The following PCDH11Y variants were observed in gnomAD, a reference collection of about 807,000 sequenced individuals.
PCDH11Y encodes the protein protocadherin-11 Y-linked.
For missense variants in PCDH11Y, 12 were observed against 224.8 expected, an observed-to-expected ratio of 0.05 and a Z score of 6.05; for synonymous variants, 9 against 83.6, an observed-to-expected ratio of 0.11 and a Z score of 4.87.
chrY:5,235,947 T>C (rs2052974621), intron 2 of PCDH11Y, among the ~76,000 whole-genome samples: 4 of 33,569 alleles, frequency 1.2e-4, no homozygotes, highest in African/African-American at 4.6e-4. Context: ...TTTTTAGTAA[T>C]AGCCATTCCA....
intron 2 of PCDH11Y, among the ~76,000 whole-genome samples, chrY:5,178,978 T>C (rs2124646618): frequency 3.0e-5 from 1 of 33,417 alleles, no homozygotes; most frequent in Non-Finnish European, 7.4e-5. Flanking sequence ...TATGGCTGCA[T>C]AGTATTCCAT....
At chrY:5,627,285 G>A in intron 4 of PCDH11Y, among the ~76,000 whole-genome samples, 1 of 32,456 alleles carries the variant, frequency 3.1e-5, no homozygotes, top group South Asian at 6.9e-4. Flanking sequence ...GTGAGCCACC[G>A]CACCCAGTCA....
Position 5,732,821 on chromosome Y carries a change from A to G in PCDH11Y, c.3353-4451A>G. Among the ~76,000 whole-genome samples the G allele has an allele frequency of 1.2e-4, 4 of 33,265 alleles. No homozygotes were observed. In the East Asian group the frequency reaches 3.1e-3, roughly 26 times the overall value. 89.2% of individuals were successfully genotyped at this position (33,265 alleles called of 37,273 possible). On this transcript the variant is annotated intron_variant, in intron 4 of 4. Coordinates refer to the PCDH11Y transcript ENST00000400457. ...GTTTCTTCGCTTTACATCATCTAAT[A>G]TTGCTCAAAAACATTGCTTATTTCT... is the stretch of plus-strand genomic sequence containing the variant.
At chrY:5,057,916 AG>A in intron 1 of PCDH11Y, among the ~76,000 whole-genome samples, 1 of 31,771 alleles carries the variant, frequency 3.1e-5, no homozygotes, top group Admixed American at 2.9e-4. Flanking sequence ...TCTATTTGAG[AG>A]GTGACTAGAA....
chrY:5,380,853 C>T (rs2124674369), intron 2 of PCDH11Y, among the ~76,000 whole-genome samples: 2 of 30,726 alleles, frequency 6.5e-5, no homozygotes, highest in South Asian at 1.6e-3. Context: ...CTTCCCAAAG[C>T]CCTGGGATTA....
At chrY:5,692,345 G>T in intron 4 of PCDH11Y, among the ~76,000 whole-genome samples, 1 of 32,683 alleles carries the variant, frequency 3.1e-5, no homozygotes, top group African/African-American at 1.2e-4. Context: ...TTCTAGGCCT[G>T]CCTTTGCCAT....
intron 2 of PCDH11Y, among the ~76,000 whole-genome samples, chrY:5,362,325 A>C: frequency 3.2e-5 from 1 of 30,869 alleles, no homozygotes; most frequent in Non-Finnish European, 7.7e-5. Flanking sequence ...TTTCTGTATC[A>C]AAAGATTTGC....
chrY:5,090,498 ACT>A (rs1416011854), intron 1 of PCDH11Y, among the ~76,000 whole-genome samples: 2,648 of 32,568 alleles, frequency 0.081, no homozygotes, highest in Non-Finnish European at 0.031. Flanking sequence ...TTAATTATAT[ACT>A]CTTAAAATTT....
intron 4 of PCDH11Y, among the ~76,000 whole-genome samples, chrY:5,583,445 C>T: frequency 1.4e-4 from 4 of 29,281 alleles, no homozygotes; most frequent in Non-Finnish European, 3.3e-4. Context: ...CAGGGGTTTG[C>T]ATTGAATCTG....
intron 2 of PCDH11Y, among the ~76,000 whole-genome samples, chrY:5,218,301 A>G (rs2124652084): frequency 3.0e-5 from 1 of 33,099 alleles, no homozygotes; most frequent in East Asian, 8.0e-4. Context: ...AGGAAGACTG[A>G]CAAAACTGCT....
At chrY:5,598,737 A>G (rs2053469934) in intron 4 of PCDH11Y, among the ~76,000 whole-genome samples, 1 of 33,695 alleles carries the variant, frequency 3.0e-5, no homozygotes, top group African/African-American at 1.2e-4. Context: ...TCTAGAAAAG[A>G]ACATCTTGTA....
chrY:5,516,474 A>T, intron 3 of PCDH11Y, among the ~76,000 whole-genome samples: 2 of 31,842 alleles, frequency 6.3e-5, no homozygotes, highest in Admixed American at 2.9e-4. Context: ...TTAATTATTA[A>T]TTTTCACCTA....
chrY:5,089,014 A>G, intron 1 of PCDH11Y, among the ~76,000 whole-genome samples: 1 of 28,149 alleles, frequency 3.6e-5, no homozygotes, highest in Admixed American at 3.2e-4. Flanking sequence ...CTCCAGATAT[A>G]TCCCATGGTG....
chrY:5,452,560 C>T, intron 2 of PCDH11Y, among the ~76,000 whole-genome samples: 1 of 33,372 alleles, frequency 3.0e-5, no homozygotes, highest in Non-Finnish European at 7.4e-5. Context: ...CATGTACAAG[C>T]ACATAATCCA....
chrY:5,079,641 A>G, intron 1 of PCDH11Y, among the ~76,000 whole-genome samples: 2 of 31,804 alleles, frequency 6.3e-5, no homozygotes, highest in South Asian at 1.5e-3. Flanking sequence ...TAGGTCATCA[A>G]GTCCCCAAAC....
chrY:5,522,966 G>T (rs2053383013), intron 3 of PCDH11Y, among the ~76,000 whole-genome samples: 1 of 33,882 alleles, frequency 3.0e-5, no homozygotes, highest in Non-Finnish European at 7.4e-5. Flanking sequence ...AATTGCAAAA[G>T]ATGCATTATA....
chrY:5,278,589 G>A, intron 2 of PCDH11Y, among the ~76,000 whole-genome samples: 2 of 33,370 alleles, frequency 6.0e-5, no homozygotes, highest in African/African-American at 1.2e-4. Flanking sequence ...AATAATAAAC[G>A]TGGCCAAGAT....
chrY:5,672,944 G>A, intron 4 of PCDH11Y, among the ~76,000 whole-genome samples: 1 of 29,888 alleles, frequency 3.3e-5, no homozygotes, highest in South Asian at 7.5e-4. Context: ...TATCCCATAG[G>A]TTTTGGTGTT....
chrY:5,699,736 C>G, intron 4 of PCDH11Y, among the ~76,000 whole-genome samples: 1 of 33,259 alleles, frequency 3.0e-5, no homozygotes, highest in Non-Finnish European at 7.4e-5. Context: ...CATTTAGGCA[C>G]TCTCCAACCT....
Sources: gnomAD v4.1 joint callset for allele counts (sites outside exome capture counted in the v4.1 genomes callset) on GRCh38, gnomAD v4.1.1 for gene constraint, MANE v1.5 for transcripts, NCBI Gene and HGNC (gene_info 2026-07-23, HGNC 2026-07-21) for gene names.